Variants in STPG3 observed in about 807,000 individuals in gnomAD.
The protein encoded by STPG3 is sperm-tail PG-rich repeat containing 3, also known as protein STPG3.
In STPG3, 39 loss-of-function variants were observed where a neutral mutation model predicts 32.5. The observed-to-expected ratio is 1.20, with a 90% confidence interval of 0.93 to 1.57. The LOEUF (loss-of-function observed/expected upper bound fraction) is 1.57, where lower values mean the gene tolerates loss of function less well. STPG3 is among the 40% of genes most tolerant of loss of function. The pLI is 0.00. For missense variants in STPG3, 507 were observed against 407.6 expected (o/e 1.24, Z -2.10); for synonymous variants, 209 against 172.4 (o/e 1.21, Z -1.66).
At position 137,251,832 on chromosome 9, in the gene STPG3, A is replaced by C; in HGVS notation, c.205A>C (p.Arg69=). 6.2e-7 allele frequency: 1 copy of C among 1,606,756 alleles called. No individual in the cohort carries two copies. The highest frequency in any genetic ancestry group is 1.7e-4 in the Middle Eastern group (1 of 6,050). Residue 69 remains arginine, a synonymous_variant, in exon 2 of 6, where the codon AGG becomes CGG. Coordinates refer to ENST00000412566, the MANE Select transcript of STPG3 (RefSeq NM_001004353.4). ...GATGAAGGAGATCCCAGTTGGCCTC[A>C]GGTTACAGACGGGCACCCCCCAGGA... ...PKMKEIPVGL[R]LQTGTPQESL... is the part of the protein sequence containing the mutation.
chr9:137,251,701 C>CG (rs1222052430), intron 1 of STPG3, 37 bp from the exon 2 acceptor site: 5 of 1,548,576 alleles, frequency 3.2e-6, no homozygotes, highest in Non-Finnish European at 4.4e-6. Flanking sequence ...TGGGAGCGGC[C>CG]GGGGGCTGAG....
In STPG3 at chr9:137,253,275, GCCA is replaced by G. The variant is rs747273030; in HGVS notation, c.*33_*35del. The G allele has an allele frequency of 1.0e-5, 16 of 1,589,466 alleles. No individual in the cohort carries two copies. The East Asian group carries it at 3.0e-4, about 30-fold the overall frequency. On this transcript the variant is annotated 3_prime_UTR_variant, in exon 6 of 6. Coordinates refer to ENST00000412566, the MANE Select transcript of STPG3 (RefSeq NM_001004353.4). ...AGCTGGGCACAACCTGCTTGGCCCG[GCCA>G]CCGAGTGGAACCATGGCCTCCCCCG...
chr9:137,252,277 A>G (rs1837375352), intron 3 of STPG3, 142 bp downstream of exon 3: 2 of 1,354,210 alleles, frequency 1.5e-6, no homozygotes, highest in African/African-American at 2.9e-5. Context: ...CAGCACCTGT[A>G]AGGAGGCCTG....
At position 137,252,915 on chromosome 9, in the gene STPG3, C is replaced by T. The variant is rs776876228; in HGVS notation, c.746C>T (p.Pro249Leu). Residue 249 changes from proline to leucine, a missense_variant, in exon 5 of 6, where the codon CCG becomes CTG. Coordinates refer to ENST00000412566, the MANE Select transcript of STPG3 (RefSeq NM_001004353.4). ...PGSRLQSPRS[P>L]AFSMSRSPAF... ...AGCCGCCTGCAGAGCCCCCGCTCGC[C>T]GGCCTTCTCGATGAGCCGCTCCCCT... 9.4e-6 allele frequency: 15 copies of T among 1,599,346 alleles called. No individual in the cohort carries two copies. Among genetic ancestry groups the T allele is most frequent in the Admixed American group, 3.4e-5 (2 of 58,260 alleles).
chr9:137,252,002 G>A lies in STPG3; in HGVS notation c.270G>A (p.Leu90=). The A allele has an allele frequency of 2.5e-6, 4 of 1,610,474 alleles. No homozygotes were observed. Among genetic ancestry groups the A allele is most frequent in the African/African-American group, 2.7e-5 (2 of 74,896 alleles). ...CCAGAGCTTGCTTCCTGTGGCCAGT[G>A]CTGGAGCAACGCCCCCTGATCACAG... ...PTYTQTLREL[L]LEQRPLITAD... Residue 90 remains leucine, a splice_region_variant and synonymous_variant, in exon 3 of 6, where the codon TTG becomes TTA. Coordinates refer to ENST00000412566, the MANE Select transcript of STPG3 (RefSeq NM_001004353.4).
Position 137,252,914 on chromosome 9 carries a change from C to T in STPG3, c.745C>T (p.Pro249Ser), listed in dbSNP as rs771317074. The T allele has an allele frequency of 4.4e-6, 7 of 1,599,334 alleles. No individual in the cohort carries two copies. In the East Asian group the frequency reaches 1.6e-4, roughly 36 times the overall value. The change falls in exon 5 of 6, where the codon CCG becomes TCG. Residue 249 changes from proline to serine, a missense_variant. Coordinates refer to ENST00000412566, the MANE Select transcript of STPG3 (RefSeq NM_001004353.4). Reference sequence around the variant, plus strand: ...GAGCCGCCTGCAGAGCCCCCGCTCGCCGGCCTTCTCGATGAGCCGCTCCCC... The same window carrying T: ...GAGCCGCCTGCAGAGCCCCCGCTCGTCGGCCTTCTCGATGAGCCGCTCCCC... ...PGSRLQSPRS[P>S]AFSMSRSPAF...
chr9:137,251,505 C>T lies in STPG3; in HGVS notation c.110+109C>T, dbSNP rs377130651. The T allele has an allele frequency of 4.0e-6, 4 of 1,001,944 alleles. No individual in the cohort carries two copies. The East Asian group carries it at 9.6e-5, about 24-fold the overall frequency. 62.1% of individuals were successfully genotyped at this position (1,001,944 alleles called of 1,614,324 possible). ...GGCAGGCGGCTGGGGGACTGAGGGACAGTGTGGGGACAGGCTGTGGGGCAG... is the reference window on the plus strand; with the variant it reads ...GGCAGGCGGCTGGGGGACTGAGGGATAGTGTGGGGACAGGCTGTGGGGCAG... On this transcript the variant is annotated intron_variant, in intron 1 of 5. Coordinates refer to ENST00000412566, the MANE Select transcript of STPG3 (RefSeq NM_001004353.4).
At position 137,252,947 on chromosome 9, in the gene STPG3, A is replaced by G; in HGVS notation, c.778A>G (p.Thr260Ala). The G allele has an allele frequency of 1.3e-6, 2 of 1,596,428 alleles. No homozygotes were observed. Among genetic ancestry groups the G allele is most frequent in the East Asian group, 4.5e-5 (2 of 44,128 alleles). The change falls in exon 5 of 6, where the codon ACC becomes GCC. Residue 260 changes from threonine to alanine, a missense_variant. Physicochemically the swap from Thr to Ala is moderately conservative, Grantham distance 58. Transcript: ENST00000412566. ...AFSMSRSPAF[T>A]SWLSTSRTPG... ...CTCGATGAGCCGCTCCCCTGCGTTC[A>G]CCTCCTGGCTCAGCACCTGTAAGGA... is the stretch of plus-strand genomic sequence containing the variant.
At chr9:137,251,597 T>C in intron 1 of STPG3, 141 bp from the exon 2 acceptor site, 1 of 1,134,304 alleles carries the variant, frequency 8.8e-7, no homozygotes, top group Non-Finnish European at 1.2e-6. Flanking sequence ...GGCCAGGGGC[T>C]GAGGGACAGT....
intron 3 of STPG3, 112 bp downstream of exon 3, chr9:137,252,247 C>A: frequency 2.8e-6 from 4 of 1,431,082 alleles, no homozygotes; most frequent in Non-Finnish European, 3.8e-6. Flanking sequence ...TCCACCCTTC[C>A]CTGCGTTCAC....
chr9:137,252,247 C>T, intron 3 of STPG3, 112 bp downstream of exon 3: 1 of 1,431,082 alleles, frequency 7.0e-7, no homozygotes, highest in South Asian at 1.3e-5. Flanking sequence ...TCCACCCTTC[C>T]CTGCGTTCAC....
chr9:137,253,082 C>A lies in STPG3; in HGVS notation c.797-33C>A, dbSNP rs752907246. 3.2e-6 allele frequency: 5 copies of A among 1,543,016 alleles called. No individual in the cohort carries two copies. The African/African-American group carries it at 6.8e-5, about 21-fold the overall frequency. On this transcript the variant is annotated intron_variant, in intron 5 of 5. Transcript: ENST00000412566. Reference sequence around the variant, plus strand: ...GCCAGGTTTGAGTTGGGGCTGCTACCTGGGTGGGGCTCCCAGCCTTCTCTT... The same window carrying A: ...GCCAGGTTTGAGTTGGGGCTGCTACATGGGTGGGGCTCCCAGCCTTCTCTT...
chr9:137,252,461 A>T lies in STPG3; in HGVS notation c.428A>T (p.Gln143Leu). 1 of 1,610,614 alleles carries T rather than the reference A, an allele frequency of 6.2e-7. No homozygotes were observed. Among genetic ancestry groups the T allele is most frequent in the Admixed American group, 1.7e-5 (1 of 59,780 alleles). Residue 143 changes from glutamine to leucine, a missense_variant, in exon 4 of 6, where the codon CAG becomes CTG. Transcript: ENST00000412566. ...GAGGGCGGTGGCCGCAGGGCATGGC[A>T]GACTTTGTGGTTCCAGAGCGAAAGC... Reference protein sequence around the residue: ...GREGGGRRAWQTLWFQSESPF... With the variant: ...GREGGGRRAWLTLWFQSESPF...
In STPG3 at chr9:137,253,477, T is replaced by C. The variant is rs1837470208; in HGVS notation, c.*232T>C. On this transcript the variant is annotated 3_prime_UTR_variant, in exon 6 of 6. Transcript: ENST00000412566. ...CCGCTACACTGAGATGCTGTTGGTT[T>C]TCCCGAGCTCTGTGGTGTGCAGTTG... is the stretch of plus-strand genomic sequence containing the variant. 5 of 1,432,758 alleles carry C rather than the reference T, an allele frequency of 3.5e-6. No homozygotes were observed. The highest frequency in any genetic ancestry group is 2.7e-6 in the Non-Finnish European group (3 of 1,096,050). 88.8% of individuals were successfully genotyped at this position (1,432,758 alleles called of 1,614,324 possible). A position where few individuals can be genotyped will look rare whatever the true frequency, so the allele number is the denominator to read the frequency against.
Position 137,251,849 on chromosome 9 carries a change from C to G in STPG3, c.222C>G (p.Thr74=), listed in dbSNP as rs746990118. Residue 74 remains threonine (T), a synonymous_variant, in exon 2 of 6, where the codon ACC becomes ACG. Coordinates refer to ENST00000412566, the MANE Select transcript of STPG3 (RefSeq NM_001004353.4). The part of the protein sequence containing the change: ...IPVGLRLQTG[T]PQESLPTYTQ... ...TTGGCCTCAGGTTACAGACGGGCAC[C>G]CCCCAGGAGTCCCTGCCCACCTACA... 6.2e-7 allele frequency: 1 copy of G among 1,607,862 alleles called. No homozygotes were observed.
Position 137,252,544 on chromosome 9 carries a change from A to C in STPG3, c.492+19A>C. ...GCAAAAGGTTGGGGGCTGGGCAGGAAGGGGGCGGGGAGTCCACGCAGGCAG... is the reference window on the plus strand; with the variant it reads ...GCAAAAGGTTGGGGGCTGGGCAGGACGGGGGCGGGGAGTCCACGCAGGCAG... On this transcript the variant is annotated intron_variant, in intron 4 of 5. Coordinates refer to ENST00000412566, the MANE Select transcript of STPG3 (RefSeq NM_001004353.4). 3.7e-6 allele frequency: 1 copy of C among 271,160 alleles called. No homozygotes were observed. The highest frequency in any genetic ancestry group is 5.7e-6 in the Non-Finnish European group (1 of 176,758). 16.8% of individuals were successfully genotyped at this position (271,160 alleles called of 1,614,324 possible).
chr9:137,252,851 A>C lies in STPG3; in HGVS notation c.682A>C (p.Arg228=), dbSNP rs1588880445. ...GGCCTCTTTGCAGGCACCTGGCAAG[A>C]GATGCCCTGGCCCCAACACCTACAA... is the stretch of plus-strand genomic sequence containing the variant. ...LQASLQAPGK[R]CPGPNTYNIL... is the part of the protein sequence containing the mutation. Residue 228 remains arginine (R), a synonymous_variant, in exon 5 of 6, where the codon AGA becomes CGA. Transcript: ENST00000412566. 1 of 1,578,624 alleles carries C rather than the reference A, an allele frequency of 6.3e-7. No individual in the cohort carries two copies. Among genetic ancestry groups the C allele is most frequent in the Non-Finnish European group, 8.6e-7 (1 of 1,162,850 alleles).
Position 137,252,536 on chromosome 9 carries a change from G to T in STPG3, c.492+11G>T. ...GACCAAGAGCAAAAGGTTGGGGGCT[G>T]GGCAGGAAGGGGGCGGGGAGTCCAC... On this transcript the variant is annotated intron_variant, in intron 4 of 5. Transcript: ENST00000412566. 1 of 1,576,690 alleles carries T rather than the reference G, an allele frequency of 6.3e-7. No homozygotes were observed. The highest frequency in any genetic ancestry group is 1.8e-5 in the Admixed American group (1 of 54,540).
rs1390427267 is a variant in STPG3, at chr9:137,252,813, A to C, written c.644A>C (p.Gln215Pro). 6.4e-7 allele frequency: 1 copy of C among 1,567,110 alleles called. No homozygotes were observed. Among genetic ancestry groups the C allele is most frequent in the East Asian group, 2.4e-5 (1 of 42,082 alleles). Residue 215 changes from glutamine (Q) to proline (P), a missense_variant, in exon 5 of 6, where the codon CAG (glutamine) becomes CCG (proline). Gln to Pro is a moderately conservative substitution (Grantham distance 76). Coordinates refer to ENST00000412566, the MANE Select transcript of STPG3 (RefSeq NM_001004353.4). ...ARGLGLRVQP[Q>P]SLLQASLQAP... Reference sequence around the variant, plus strand: ...GGGCTGGGCCTCAGGGTGCAGCCCCAGTCCCTGCTTCAGGCCTCTTTGCAG... The same window carrying C: ...GGGCTGGGCCTCAGGGTGCAGCCCCCGTCCCTGCTTCAGGCCTCTTTGCAG...
Sources: allele counts gnomAD v4.1 joint callset, GRCh38; gene constraint gnomAD v4.1.1; transcripts MANE v1.5; gene names NCBI Gene and HGNC (gene_info 2026-07-23, HGNC 2026-07-21).